Variants in RIC8B observed in about 807,000 individuals in gnomAD.
RIC8B encodes chaperone Ric-8B.
Under a neutral mutation model 57.5 loss-of-function variants are expected in RIC8B, and 16 were observed. The ratio of observed to expected loss-of-function variants is 0.28; its 90% CI spans 0.19 to 0.42. The LOEUF (loss-of-function observed/expected upper bound fraction) is 0.42, where lower values mean the gene tolerates loss of function less well. RIC8B is among the 10% of genes least tolerant of loss of function. RIC8B has a pLI of 1.00. For synonymous variants in RIC8B, 216 were observed against 250.8 expected, an observed-to-expected ratio of 0.86 and a Z score of 1.31; for missense variants, 481 against 677.0, an observed-to-expected ratio of 0.71 and a Z score of 3.21.
At chr12:106,785,353 G>A (rs928122545) in intron 2 of RIC8B, among the ~76,000 whole-genome samples, 1 of 152,040 alleles carries the variant, frequency 6.6e-6, no homozygotes, top group African/African-American at 2.4e-5. Context: ...ACTCACCTCA[G>A]GGGCACCTCC....
intron 9 of RIC8B, among the ~76,000 whole-genome samples, chr12:106,872,025 T>C (rs1950452896): frequency 6.6e-6 from 1 of 152,214 alleles, no homozygotes; most frequent in Admixed American, 6.5e-5. Context: ...AGTAAATAGC[T>C]TAATTATCTA....
At chr12:106,828,751 A>G (rs1296664973) in intron 4 of RIC8B, among the ~76,000 whole-genome samples, 2 of 152,224 alleles carry the variant, frequency 1.3e-5, no homozygotes, top group Admixed American at 1.3e-4. Flanking sequence ...TATGATAAAC[A>G]TACTGGATTT....
Position 106,867,492 on chromosome 12 carries a change from A to AAACT in RIC8B, c.1452-3326_1452-3323dup, listed in dbSNP as rs1285370369. Among the ~76,000 whole-genome samples, 6 of 152,212 alleles carry AAACT rather than the reference A, an allele frequency of 3.9e-5. No individual in the cohort carries two copies. Among genetic ancestry groups the AAACT allele is most frequent in the South Asian group, 2.1e-4 (1 of 4,832 alleles). On this transcript the variant is annotated intron_variant, in intron 8 of 9. Coordinates refer to ENST00000392837, the MANE Select transcript of RIC8B (RefSeq NM_001330145.2). The surrounding 1 kb of genome is among the most constrained non-coding windows in gnomAD (Gnocchi z 4.3). ...AGACTCCAAGTTTTGGAATGAAATA[A>AAACT]AACTAACTCCAGAATTTCATAGCGT...
At chr12:106,796,650 A>G (rs2044496293) in intron 2 of RIC8B, among the ~76,000 whole-genome samples, 1 of 152,222 alleles carries the variant, frequency 6.6e-6, no homozygotes, top group African/African-American at 2.4e-5. Context: ...TCTTAGAGAT[A>G]ACACCAAAAG....
At chr12:106,853,451 G>GTTTTTTTTT (rs1949563485) in intron 7 of RIC8B, among the ~76,000 whole-genome samples, 10 of 51,784 alleles carry the variant, frequency 1.9e-4, no homozygotes, top group Admixed American at 4.0e-4. Context: ...CTGCTTTATA[G>GTTTTTTTTT]TCTTTTTTTT....
In RIC8B at chr12:106,879,932, G is replaced by A; in HGVS notation, c.1572-5972G>A. ...GCAGTCTTAACTTGTGTTAAGGCCT[G>A]TGTGTAGCATTGAAGGTAAGTATGA... On this transcript the variant is annotated intron_variant, in intron 9 of 9. Coordinates refer to ENST00000392837, the MANE Select transcript of RIC8B (RefSeq NM_001330145.2). This position sits in a 1 kb window ranked among gnomAD's most constrained non-coding sequence, Gnocchi z 4.9. 1 of 985,370 alleles carries A rather than the reference G, an allele frequency of 1.0e-6. No individual in the cohort carries two copies. The highest frequency in any genetic ancestry group is 1.2e-6 in the Non-Finnish European group (1 of 829,896). 61.0% of individuals were successfully genotyped at this position (985,370 alleles called of 1,614,324 possible).
intron 9 of RIC8B, among the ~76,000 whole-genome samples, chr12:106,877,506 G>T (rs1593399810): frequency 6.6e-6 from 1 of 152,096 alleles, no homozygotes; most frequent in South Asian, 2.1e-4. Flanking sequence ...CTCTTCGTAG[G>T]TATCAGGTCA....
At position 106,815,292 on chromosome 12, in the gene RIC8B, G is replaced by A; in HGVS notation, c.729G>A (p.Lys243=). 6 of 1,610,298 alleles carry A rather than the reference G, an allele frequency of 3.7e-6. No individual in the cohort carries two copies. Among genetic ancestry groups the A allele is most frequent in the Non-Finnish European group, 4.2e-6 (5 of 1,178,438 alleles). The change falls in exon 3 of 10, where the codon AAG becomes AAA. Residue 243 remains lysine, a synonymous_variant. Coordinates refer to ENST00000392837, the MANE Select transcript of RIC8B (RefSeq NM_001330145.2). ...TCAATGTGACGGTAGACAGTTGGAA[G>A]GTGCATAAAGAGGTAAGGTAGAGAA... ...ALFNVTVDSW[K]VHKESDSHQF...
intron 2 of RIC8B, among the ~76,000 whole-genome samples, chr12:106,794,645 C>A (rs903506028): frequency 1.3e-5 from 2 of 152,016 alleles, no homozygotes; most frequent in Admixed American, 6.6e-5. Flanking sequence ...AAAGAAGAAA[C>A]CTCATCTAAG....
chr12:106,799,972 A>G (rs1395871375), intron 2 of RIC8B, among the ~76,000 whole-genome samples: 4 of 152,076 alleles, frequency 2.6e-5, no homozygotes, highest in Non-Finnish European at 5.9e-5. Context: ...GTCAAGGTAG[A>G]TTTCCTTTCG....
At chr12:106,779,868 CTTTTTT>C (rs34745029) in intron 1 of RIC8B, among the ~76,000 whole-genome samples, 2 of 98,966 alleles carry the variant, frequency 2.0e-5, no homozygotes, top group Admixed American at 1.1e-4. Flanking sequence ...GGGGCCTGTT[CTTTTTT>C]TTTTTTTTTT....
At chr12:106,873,608 G>C (rs2136619005) in intron 9 of RIC8B, among the ~76,000 whole-genome samples, 1 of 152,292 alleles carries the variant, frequency 6.6e-6, no homozygotes, top group East Asian at 1.9e-4. Context: ...TCTGTGCAAG[G>C]CATCGTGCTA....
chr12:106,833,663 A>G (rs1038710081), intron 4 of RIC8B, among the ~76,000 whole-genome samples: 2 of 152,144 alleles, frequency 1.3e-5, no homozygotes, highest in Non-Finnish European at 2.9e-5. Flanking sequence ...CACACTTACT[A>G]TTTAAGTACC....
chr12:106,882,475 C>CTTA lies in RIC8B; in HGVS notation c.1572-3410_1572-3408dup, dbSNP rs144970948. ...TACAATTCACAACTCTTTGGTCTAC[C>CTTA]TTATTATTATTATTATTATTACTAC... On this transcript the variant is annotated intron_variant, in intron 9 of 9. Coordinates refer to ENST00000392837, the MANE Select transcript of RIC8B (RefSeq NM_001330145.2). Among the ~76,000 whole-genome samples, 1,455 of 151,656 alleles carry CTTA rather than the reference C, an allele frequency of 9.6e-3. 18 individuals carry two copies. The highest frequency in any genetic ancestry group is 0.032 in the African/African-American group (1,342 of 41,362).
At chr12:106,857,448 G>A in intron 7 of RIC8B, among the ~76,000 whole-genome samples, 1 of 152,186 alleles carries the variant, frequency 6.6e-6, no homozygotes, top group Admixed American at 6.5e-5. Flanking sequence ...TACCAGTGCA[G>A]TTCTGACTTT....
At chr12:106,868,277 C>T (rs1950223337) in intron 8 of RIC8B, 1 of 456,456 alleles carries the variant, frequency 2.2e-6, no homozygotes, top group Non-Finnish European at 4.4e-6. Context: ...AAAGTGCCTA[C>T]AGGCCTGATT....
Position 106,867,101 on chromosome 12 carries a change from T to C in RIC8B, c.1452-3722T>C, listed in dbSNP as rs1027890559. 6.6e-6 allele frequency among the ~76,000 whole-genome samples: 1 copy of C among 152,256 alleles called. No individual in the cohort carries two copies. Among genetic ancestry groups the C allele is most frequent in the Non-Finnish European group, 1.5e-5 (1 of 68,052 alleles). On this transcript the variant is annotated intron_variant, in intron 8 of 9. Transcript: ENST00000392837. This position sits in a 1 kb window ranked among gnomAD's most constrained non-coding sequence, Gnocchi z 4.3. Reference sequence around the variant, plus strand: ...GCCGAATTAAGTTTTAATGGATCTTTTTTGTTAAATGACCTAGTACTGTTG... The same window carrying C: ...GCCGAATTAAGTTTTAATGGATCTTCTTTGTTAAATGACCTAGTACTGTTG...
chr12:106,797,713 C>A (rs1286005352), intron 2 of RIC8B, among the ~76,000 whole-genome samples: 3 of 152,204 alleles, frequency 2.0e-5, no homozygotes, highest in African/African-American at 4.8e-5. Context: ...CTACACCCAT[C>A]ATCGTTCCAA....
chr12:106,799,704 A>G (rs569860334), intron 2 of RIC8B, among the ~76,000 whole-genome samples: 5 of 152,204 alleles, frequency 3.3e-5, no homozygotes, highest in South Asian at 4.1e-4. Context: ...AAGTTCAGAA[A>G]ATAGAACTAG....
Sources: allele counts gnomAD v4.1 joint callset (sites outside exome capture counted in the v4.1 genomes callset), GRCh38; gene constraint gnomAD v4.1.1; non-coding constraint Gnocchi (gnomAD v3.1); transcripts MANE v1.5; gene names NCBI Gene and HGNC (gene_info 2026-07-23, HGNC 2026-07-21).